Variants in MED12L observed in about 807,000 individuals in gnomAD.
The protein encoded by MED12L is mediator of RNA polymerase II transcription subunit 12-like protein.
In MED12L, 60 loss-of-function variants were observed where a neutral mutation model predicts 281.3. The observed-to-expected ratio is 0.21, with a 90% CI of 0.17 to 0.26. The LOEUF (loss-of-function observed/expected upper bound fraction) is 0.26, where lower values mean the gene tolerates loss of function less well. Ranked by LOEUF, MED12L falls within the 10% of genes least tolerant of loss-of-function variation. MED12L has a pLI of 1.00. For synonymous variants in MED12L, 974 were observed against 987.2 expected (o/e 0.99, Z 0.25); for missense variants, 2,146 against 2,680.9 (o/e 0.80, Z 4.41).
At chr3:151,310,286 C>A (rs1333283526) in intron 16 of MED12L, among the ~76,000 whole-genome samples, 2 of 152,142 alleles carry the variant, frequency 1.3e-5, no homozygotes, top group Non-Finnish European at 2.9e-5. Context: ...GAAAGGTTTC[C>A]ATAGAACAAT....
intron 3 of MED12L, among the ~76,000 whole-genome samples, chr3:151,121,989 C>T (rs1195304097): frequency 6.6e-6 from 1 of 152,162 alleles, no homozygotes; most frequent in Non-Finnish European, 1.5e-5. Flanking sequence ...GCCGTGATTA[C>T]AGGCGTGAGC....
intron 16 of MED12L, among the ~76,000 whole-genome samples, chr3:151,267,143 T>C (rs965834839): frequency 6.6e-6 from 1 of 152,206 alleles, no homozygotes; most frequent in South Asian, 2.1e-4. Flanking sequence ...TTTGACTGTT[T>C]ACAGGAACTA....
At chr3:151,146,434 T>C (rs1560092740) in intron 5 of MED12L, among the ~76,000 whole-genome samples, 1 of 152,212 alleles carries the variant, frequency 6.6e-6, no homozygotes, top group African/African-American at 2.4e-5. Flanking sequence ...TGTCTACTTT[T>C]GTGTCATGTG....
At chr3:151,201,772 G>A (rs1725627666) in intron 16 of MED12L, among the ~76,000 whole-genome samples, 1 of 152,164 alleles carries the variant, frequency 6.6e-6, no homozygotes, top group Admixed American at 6.5e-5. Flanking sequence ...TTCTTTATGT[G>A]AAAAACTAGT....
At position 151,374,542 on chromosome 3, in the gene MED12L, T is replaced by C. The variant is rs905651826; in HGVS notation, c.3865-1484T>C. 2.0e-5 allele frequency among the ~76,000 whole-genome samples: 3 copies of C among 146,692 alleles called. No homozygotes were observed. The East Asian group carries it at 5.8e-4, about 29-fold the overall frequency. ...CAGCCCTGGTAAGAGAGCAAGACTCTGTCTCAAAGAAAGAAAGAAAGAAAG... is the reference window on the plus strand; with the variant it reads ...CAGCCCTGGTAAGAGAGCAAGACTCCGTCTCAAAGAAAGAAAGAAAGAAAG... On this transcript the variant is annotated intron_variant, in intron 27 of 44. Coordinates refer to ENST00000687756, the MANE Select transcript of MED12L (RefSeq NM_001393769.1).
intron 16 of MED12L, among the ~76,000 whole-genome samples, chr3:151,266,093 C>T (rs965673886): frequency 1.3e-5 from 2 of 152,138 alleles, no homozygotes; most frequent in Admixed American, 1.3e-4. Flanking sequence ...GCCATCTTTC[C>T]CCTTTCAGTT....
At chr3:151,382,161 A>G (rs983436030) in intron 32 of MED12L, among the ~76,000 whole-genome samples, 3 of 152,154 alleles carry the variant, frequency 2.0e-5, no homozygotes, top group Admixed American at 1.3e-4. Flanking sequence ...CTGCAATGCC[A>G]TATTTTTCAA....
At chr3:151,302,552 T>A (rs1170935626) in intron 16 of MED12L, among the ~76,000 whole-genome samples, 2 of 152,228 alleles carry the variant, frequency 1.3e-5, no homozygotes, top group African/African-American at 2.4e-5. Context: ...AGTTTCTGCT[T>A]CTGTTATTTC....
At chr3:151,395,014 G>GT (rs1714777026) in intron 39 of MED12L, 147 bp downstream of exon 39, 1 of 1,045,774 alleles carries the variant, frequency 9.6e-7, no homozygotes, top group African/African-American at 1.6e-5. Context: ...TTACAGGCTT[G>GT]TAAATAGTTT....
rs753761060 is a variant in MED12L at position 151,294,623 on chromosome 3, G to A, written c.2251-55436G>A. On this transcript the variant is annotated intron_variant, in intron 16 of 44. Coordinates refer to ENST00000687756, the MANE Select transcript of MED12L (RefSeq NM_001393769.1). Reference sequence around the variant, plus strand: ...CACAAACAAGCAGCTGTTCACATAGGTGACTGCCGTATGCCATTTGACCCC... The same window carrying A: ...CACAAACAAGCAGCTGTTCACATAGATGACTGCCGTATGCCATTTGACCCC... The A allele has an allele frequency of 4.3e-6, 7 of 1,614,034 alleles. No individual in the cohort carries two copies. In the African/African-American group the frequency reaches 6.7e-5, roughly 15 times the overall value.
Position 151,378,004 on chromosome 3 carries a change from G to C in MED12L, c.4317-8G>C, listed in dbSNP as rs745563974. ...TTTCTCCGGTGTAACACCTGTTTCT[G>C]ATTTTAGTTCCTCCGAACGCAGGGG... On this transcript the variant is annotated splice_region_variant and splice_polypyrimidine_tract_variant and intron_variant, in intron 30 of 44. Coordinates refer to ENST00000687756, the MANE Select transcript of MED12L (RefSeq NM_001393769.1). 5.7e-6 allele frequency: 9 copies of C among 1,586,060 alleles called. No individual in the cohort carries two copies. In the South Asian group the frequency reaches 1.0e-4, roughly 18 times the overall value.
intron 16 of MED12L, among the ~76,000 whole-genome samples, chr3:151,289,042 AAG>A (rs1179827954): frequency 6.6e-6 from 1 of 152,210 alleles, no homozygotes; most frequent in Non-Finnish European, 1.5e-5. Flanking sequence ...AGATATTTGA[AAG>A]AGGGTATACC....
chr3:151,360,584 G>T lies in MED12L; in HGVS notation c.2936G>T (p.Ser979Ile), dbSNP rs773273458. The change falls in exon 21 of 45, where the codon AGT (serine) becomes ATT (isoleucine). Residue 979 changes from serine (S) to isoleucine (I), a missense_variant. Ser to Ile is a moderately radical substitution (Grantham distance 142, BLOSUM62 -2). Coordinates refer to ENST00000687756, the MANE Select transcript of MED12L (RefSeq NM_001393769.1). ...DLYVSCSHLR[S>I]KFGDLFSSAC... Reference sequence around the variant, plus strand: ...TATGTGTCATGTAGCCACCTCAGAAGTAAATTTGGAGACCTCTTCAGGTGA... The same window carrying T: ...TATGTGTCATGTAGCCACCTCAGAATTAAATTTGGAGACCTCTTCAGGTGA... 1.2e-6 allele frequency: 2 copies of T among 1,612,466 alleles called. No individual in the cohort carries two copies. The highest frequency in any genetic ancestry group is 1.7e-5 in the Admixed American group (1 of 59,866).
intron 11 of MED12L, among the ~76,000 whole-genome samples, chr3:151,182,823 G>A (rs573596234): frequency 2.0e-5 from 3 of 152,152 alleles, no homozygotes; most frequent in Non-Finnish European, 2.9e-5. Context: ...CCCAGGGAGC[G>A]GATGGGTTTT....
At chr3:151,404,468 CCT>C (rs1487141863) in intron 39 of MED12L, among the ~76,000 whole-genome samples, 4 of 152,114 alleles carry the variant, frequency 2.6e-5, no homozygotes, top group African/African-American at 4.8e-5. Flanking sequence ...TTTAGAATTT[CCT>C]CTCTCTGTTG....
At chr3:151,349,838 C>G (rs1164988720) in intron 16 of MED12L, among the ~76,000 whole-genome samples, 1 of 149,304 alleles carries the variant, frequency 6.7e-6, no homozygotes, top group Non-Finnish European at 1.5e-5. Context: ...ATTAAGACTT[C>G]AGGTCAGTTG....
chr3:151,240,207 G>C (rs1733805150), intron 16 of MED12L, among the ~76,000 whole-genome samples: 1 of 152,142 alleles, frequency 6.6e-6, no homozygotes, highest in African/African-American at 2.4e-5. Context: ...ATGGGCCTGT[G>C]TCAATAGATG....
intron 2 of MED12L, among the ~76,000 whole-genome samples, chr3:151,091,894 T>C (rs974110767): frequency 1.3e-5 from 2 of 152,146 alleles, no homozygotes; most frequent in African/African-American, 2.4e-5. Flanking sequence ...TCCAACTTCA[T>C]AGAGTTGCTG....
chr3:151,165,694 G>A (rs3108729), intron 10 of MED12L, 152 bp from the exon 11 acceptor site: 7 of 968,328 alleles, frequency 7.2e-6, no homozygotes, highest in Non-Finnish European at 1.1e-5. Context: ...AGAATGTCAA[G>A]TTTGGTTTTG....
Sources: allele counts gnomAD v4.1 joint callset (sites outside exome capture counted in the v4.1 genomes callset), GRCh38; gene constraint gnomAD v4.1.1; transcripts MANE v1.5; gene names NCBI Gene and HGNC (gene_info 2026-07-23, HGNC 2026-07-21).